Variants in NCOR2 observed in about 807,000 individuals in gnomAD.
NCOR2 encodes CTG repeat protein 26.
In NCOR2, 81 loss-of-function variants were observed where a neutral mutation model predicts 262.9. The ratio of observed to expected loss-of-function variants is 0.31; its 90% CI spans 0.26 to 0.37. NCOR2 has a LOEUF of 0.37. NCOR2 is among the 10% of genes least tolerant of loss of function. NCOR2 has a pLI of 1.00. For missense variants in NCOR2, 3,385 were observed against 3,621.4 expected, an observed-to-expected ratio of 0.93 and a Z score of 1.68; for synonymous variants, 1,659 against 1,559.3, an observed-to-expected ratio of 1.06 and a Z score of -1.51.
intron 16 of NCOR2, among the ~76,000 whole-genome samples, chr12:124,395,147 C>A (rs1287499504): frequency 6.6e-6 from 1 of 152,196 alleles, no homozygotes; most frequent in African/African-American, 2.4e-5. Flanking sequence ...GAGTGAGGCA[C>A]TATGTTGCTG....
chr12:124,455,690 T>G (rs2045809869), intron 6 of NCOR2, among the ~76,000 whole-genome samples: 1 of 152,222 alleles, frequency 6.6e-6, no homozygotes, highest in Non-Finnish European at 1.5e-5. Flanking sequence ...GGAGCTGCAC[T>G]AGGTGAGCCT....
intron 4 of NCOR2, among the ~76,000 whole-genome samples, chr12:124,469,545 C>T (rs569327864): frequency 2.6e-5 from 4 of 152,294 alleles, no homozygotes; most frequent in African/African-American, 9.6e-5. Flanking sequence ...GAAAATACTA[C>T]CTGGGACACC....
intron 1 of NCOR2, among the ~76,000 whole-genome samples, chr12:124,508,017 T>C (rs761963738): frequency 1.7e-4 from 26 of 152,208 alleles, no homozygotes; most frequent in Non-Finnish European, 3.1e-4. Context: ...ATCCACCACA[T>C]GTGAATGAGG....
At chr12:124,401,564 ATCT>A (rs1387900587) in intron 14 of NCOR2, among the ~76,000 whole-genome samples, 2 of 152,244 alleles carry the variant, frequency 1.3e-5, no homozygotes, top group Non-Finnish European at 2.9e-5. Context: ...GCCGGGCATC[ATCT>A]TAGACATTGG....
intron 13 of NCOR2, among the ~76,000 whole-genome samples, chr12:124,414,292 G>T (rs2042744749): frequency 6.6e-6 from 1 of 152,220 alleles, no homozygotes; most frequent in African/African-American, 2.4e-5. Flanking sequence ...CATCTGGCCA[G>T]TGGGGATAAT....
intron 5 of NCOR2, among the ~76,000 whole-genome samples, chr12:124,465,725 A>T (rs1464357927): frequency 6.6e-6 from 1 of 152,164 alleles, no homozygotes; most frequent in East Asian, 1.9e-4. Context: ...AGGAAAATGG[A>T]AATGACACCT....
chr12:124,489,058 C>A (rs1485171424), intron 1 of NCOR2, among the ~76,000 whole-genome samples: 1 of 152,026 alleles, frequency 6.6e-6, no homozygotes, highest in Non-Finnish European at 1.5e-5. Context: ...AAGCAGGTCA[C>A]CAGGGTTGAG....
At chr12:124,354,661 A>AT in intron 25 of NCOR2, 79 bp from the exon 28 acceptor site, 1 of 1,387,802 alleles carries the variant, frequency 7.2e-7, no homozygotes, top group Non-Finnish European at 9.6e-7. Context: ...AACCTGAGCC[A>AT]GGGGCTGGGA....
chr12:124,393,837 C>T (rs975542999), intron 16 of NCOR2, among the ~76,000 whole-genome samples: 5 of 152,262 alleles, frequency 3.3e-5, no homozygotes, highest in African/African-American at 4.8e-5. Context: ...TTCATACACA[C>T]AAAGCTTCCA....
chr12:124,494,480 C>G (rs1198494602), intron 1 of NCOR2, among the ~76,000 whole-genome samples: 1 of 152,194 alleles, frequency 6.6e-6, no homozygotes, highest in Non-Finnish European at 1.5e-5. Flanking sequence ...AAATGGGGCC[C>G]CCGCTGGGAA....
chr12:124,392,600 C>T (rs1189466126), intron 16 of NCOR2, among the ~76,000 whole-genome samples: 1 of 152,202 alleles, frequency 6.6e-6, no homozygotes, highest in Non-Finnish European at 1.5e-5. Context: ...GCCTACCGGC[C>T]CGCCCACCCC....
chr12:124,447,087 G>C (rs1280358237), intron 7 of NCOR2, among the ~76,000 whole-genome samples: 1 of 152,136 alleles, frequency 6.6e-6, no homozygotes, highest in Non-Finnish European at 1.5e-5. Context: ...GCTAATTTTT[G>C]TATTTTTAGT....
At chr12:124,346,841 C>G (rs753419084) in exon 31 of NCOR2, 6 of 1,574,182 alleles carry the variant, frequency 3.8e-6, no homozygotes, top group Non-Finnish European at 5.2e-6. Context: ...CACGTAGGAC[C>G]GAGGGATCCC....
intron 1 of NCOR2, among the ~76,000 whole-genome samples, chr12:124,560,616 G>A (rs966459737): frequency 6.6e-6 from 1 of 152,136 alleles, no homozygotes; most frequent in East Asian, 1.9e-4. Context: ...AATATATGGC[G>A]TGATACCACT....
chr12:124,428,043 C>CTGTGTGTGTGTGTGTGTGTGTG (rs1491282996), intron 10 of NCOR2, among the ~76,000 whole-genome samples: 2 of 40,964 alleles, frequency 4.9e-5, no homozygotes, highest in Non-Finnish European at 8.7e-5. Flanking sequence ...CCCATGTGGC[C>CTGTGTGTGTGTGTGTGTGTGTG]AGTGTGTGTG....
At position 124,469,859 on chromosome 12, in the gene NCOR2, A is replaced by C. The variant is rs78478425; in HGVS notation, c.591+3093T>G. Among the ~76,000 whole-genome samples the C allele has an allele frequency of 9.6e-3, 1,466 of 152,300 alleles. 22 individuals carry two copies. Among genetic ancestry groups the C allele is most frequent in the African/African-American group, 0.033 (1,391 of 41,562 alleles). On this transcript the variant is annotated intron_variant, in intron 4 of 46. Coordinates refer to ENST00000405201, the Ensembl canonical transcript of NCOR2. ...TGGCTGGAATCAAAAACATTTTTTA[A>C]AGGAAGATAAAAAAGGGTTGGTGTG...
chr12:124,510,590 A>T (rs1593901550), intron 1 of NCOR2, among the ~76,000 whole-genome samples: 1 of 152,182 alleles, frequency 6.6e-6, no homozygotes, highest in Non-Finnish European at 1.5e-5. Context: ...CAGGCGAGCC[A>T]CCTCCTGTGT....
chr12:124,332,011 C>T (rs756125274), intron 43 of NCOR2: 129 of 366,142 alleles, frequency 3.5e-4, no homozygotes, highest in Admixed American at 2.4e-3. Context: ...GGGAGGCGCC[C>T]GGCCCTTGTG....
intron 27 of NCOR2, among the ~76,000 whole-genome samples, chr12:124,351,755 C>CA (rs11454699): frequency 1 from 151,856 of 152,314 alleles, 75,703 homozygotes; most frequent in Non-Finnish European, 1. Context: ...TGCACATCCA[C>CA]AAATGGAGAC....
Sources: gnomAD v4.1 joint callset for allele counts (sites outside exome capture counted in the v4.1 genomes callset) on GRCh38, gnomAD v4.1.1 for gene constraint, MANE v1.5 for transcripts, NCBI Gene and HGNC (gene_info 2026-07-23, HGNC 2026-07-21) for gene names.